Variants in ANKRD36 observed in about 807,000 individuals in gnomAD.
ANKRD36 encodes the protein ankyrin repeat domain-containing protein 36A.
ANKRD36 carries 179 observed loss-of-function variants against 278.1 expected under a neutral mutation model. That is an observed-to-expected ratio of 0.64 (90% CI 0.57 to 0.73). The LOEUF (loss-of-function observed/expected upper bound fraction) is 0.73. Ranked by LOEUF, ANKRD36 falls within the 30% of genes least tolerant of loss-of-function variation. The pLI is 0.00. For synonymous variants in ANKRD36, 320 were observed against 641.1 expected (o/e 0.50, Z 7.57); for missense variants, 1,159 against 1,956.7 (o/e 0.59, Z 7.69).
intron 12 of ANKRD36, 57 bp from the exon 13 acceptor site, chr2:97,151,822 T>C: frequency 2.7e-6 from 2 of 747,488 alleles, no homozygotes; most frequent in Non-Finnish European, 3.9e-6. Flanking sequence ...ATGGTGGGTA[T>C]TATCCTATTT....
Position 97,151,862 on chromosome 2 carries a change from T to A in ANKRD36, c.1102-17T>A, listed in dbSNP as rs2046089901. The A allele has an allele frequency of 1.5e-6, 2 of 1,315,920 alleles. No homozygotes were observed. Among genetic ancestry groups the A allele is most frequent in the African/African-American group, 2.9e-5 (2 of 68,134 alleles). 81.5% of individuals were successfully genotyped at this position (1,315,920 alleles called of 1,614,324 possible). On this transcript the variant is annotated splice_polypyrimidine_tract_variant and intron_variant, in intron 12 of 75. Transcript: ENST00000420699. ...TTGCTCCATGTTATTCTTAAACCTA[T>A]TGTGTTTTTCTTCTAGATTATTTCA...
intron 8 of ANKRD36, among the ~76,000 whole-genome samples, chr2:97,143,672 C>G (rs71429323): frequency 2.6e-5 from 4 of 151,988 alleles, no homozygotes; most frequent in Admixed American, 6.6e-5. Context: ...ATTTTAGAAA[C>G]AAAAATAATG....
Position 97,113,463 on chromosome 2 carries a change from C to A in ANKRD36, c.-277C>A. On this transcript the variant is annotated 5_prime_UTR_variant, in exon 1 of 76. Coordinates refer to ENST00000420699, the MANE Select transcript of ANKRD36 (RefSeq NM_001354587.1). ...CGCGCTCCAGGGAGCCCCGCCCTCC[C>A]GCGGCACCTCCGCAGCAACCGCCGC... 1 of 489,456 alleles carries A rather than the reference C, an allele frequency of 2.0e-6. No individual in the cohort carries two copies. Among genetic ancestry groups the A allele is most frequent in the Non-Finnish European group, 3.6e-6 (1 of 279,764 alleles). The allele number at this position is 489,456 out of a possible 1,614,324, so 30.3% of individuals were successfully genotyped here.
intron 6 of ANKRD36, among the ~76,000 whole-genome samples, chr2:97,134,959 C>T (rs1427707993): frequency 1.3e-5 from 2 of 152,024 alleles, no homozygotes; most frequent in African/African-American, 2.4e-5. Flanking sequence ...TTGTGCCCTA[C>T]ATAGGGTGAA....
chr2:97,230,660 A>G (rs1251181523), intron 67 of ANKRD36, among the ~76,000 whole-genome samples: 2 of 152,122 alleles, frequency 1.3e-5, no homozygotes, highest in Admixed American at 1.3e-4. Flanking sequence ...TTCTCTGTCC[A>G]GCTTTGTTCT....
intron 54 of ANKRD36, among the ~76,000 whole-genome samples, chr2:97,208,993 T>C (rs1230141518): frequency 1.4e-5 from 2 of 146,762 alleles, no homozygotes; most frequent in Non-Finnish European, 3.0e-5. Flanking sequence ...ATGATATTTT[T>C]ATTGAGGCTA....
rs763642003 is a variant in ANKRD36, at chr2:97,192,952, T to C, written c.2377-29T>C. 15 of 1,587,446 alleles carry C rather than the reference T, an allele frequency of 9.4e-6. No individual in the cohort carries two copies. The East Asian group carries it at 3.3e-4, about 34-fold the overall frequency. ...TGGTCTATGAAACATACTTTATTAA[T>C]TTATTATTTCATTTGAAATTCCATT... is the stretch of plus-strand genomic sequence containing the variant. On this transcript the variant is annotated intron_variant, in intron 37 of 75. Coordinates refer to ENST00000420699, the MANE Select transcript of ANKRD36 (RefSeq NM_001354587.1).
intron 62 of ANKRD36, chr2:97,215,847 A>G (rs2065790682): frequency 5.0e-6 from 3 of 594,586 alleles, no homozygotes; most frequent in African/African-American, 3.8e-5. Context: ...TATAGGCGTC[A>G]GATCATATTG....
chr2:97,260,401 C>T (rs1375984441), intron 75 of ANKRD36, among the ~76,000 whole-genome samples: 1 of 134,278 alleles, frequency 7.4e-6, no homozygotes, highest in African/African-American at 2.8e-5. Flanking sequence ...TACATACACA[C>T]ACATACACAT....
At position 97,233,863 on chromosome 2, in the gene ANKRD36, AGT is replaced by A; in HGVS notation, c.4088_4089del (p.Cys1363Ter). The A allele has an allele frequency of 7.2e-7, 1 of 1,379,696 alleles. No individual in the cohort carries two copies. The highest frequency in any genetic ancestry group is 1.5e-5 in the South Asian group (1 of 66,968). 85.5% of individuals were successfully genotyped at this position (1,379,696 alleles called of 1,614,324 possible). ...TTACTCATTGATCAACATGAAATGA[AGT>A]GTAAAGGTAGGACCAATGCATAAAT... is the stretch of plus-strand genomic sequence containing the variant. On this transcript the variant is annotated frameshift_variant, in exon 68 of 76. Transcript: ENST00000420699. LOFTEE classifies it high-confidence loss of function.
chr2:97,191,255 G>T, intron 36 of ANKRD36, 74 bp downstream of exon 36: 1 of 1,436,554 alleles, frequency 7.0e-7, no homozygotes, highest in South Asian at 1.3e-5. Flanking sequence ...GAATGAATTG[G>T]CCTGGGGCTC....
Position 97,191,017 on chromosome 2 carries a change from T to C in ANKRD36, c.2274+11T>C. On this transcript the variant is annotated intron_variant, in intron 35 of 75. Coordinates refer to ENST00000420699, the MANE Select transcript of ANKRD36 (RefSeq NM_001354587.1). ...CAACCAGCCTTGAAGGTAATTAAAC[T>C]CTCATTTATATTGTGAACTAGTAAA... The C allele has an allele frequency of 6.2e-7, 1 of 1,605,188 alleles. No individual in the cohort carries two copies. Among genetic ancestry groups the C allele is most frequent in the Non-Finnish European group, 8.5e-7 (1 of 1,175,908 alleles).
chr2:97,254,843 C>T (rs1450702314), intron 75 of ANKRD36, among the ~76,000 whole-genome samples: 1 of 134,924 alleles, frequency 7.4e-6, no homozygotes, highest in Non-Finnish European at 1.5e-5. Flanking sequence ...AATTGTTTTA[C>T]AATATGTAAT....
At chr2:97,208,260 G>A (rs1251994546) in intron 54 of ANKRD36, among the ~76,000 whole-genome samples, 2 of 146,708 alleles carry the variant, frequency 1.4e-5, no homozygotes, top group East Asian at 3.9e-4. Context: ...GGCATAAGGG[G>A]CTCTGGGGAA....
chr2:97,122,676 A>G (rs367858767), intron 3 of ANKRD36, among the ~76,000 whole-genome samples: 267 of 150,626 alleles, frequency 1.8e-3, no homozygotes, highest in African/African-American at 5.8e-3. Context: ...TTTGGAGATG[A>G]CCAGAGTTCT....
Position 97,206,006 on chromosome 2 carries a change from A to C in ANKRD36, c.3090+38A>C, listed in dbSNP as rs762527643. ...CCATTTATATTGTGAACGAGTTAAT[A>C]TATGGTCTATGAAACATACTTTATT... On this transcript the variant is annotated intron_variant, in intron 51 of 75. Transcript: ENST00000420699. 6 of 1,546,238 alleles carry C rather than the reference A, an allele frequency of 3.9e-6. No homozygotes were observed. The African/African-American group carries it at 8.2e-5, about 21-fold the overall frequency.
rs369433538 is a variant in ANKRD36, at chr2:97,197,634, T to A, written c.2654-829T>A. 7.2e-5 allele frequency among the ~76,000 whole-genome samples: 11 copies of A among 152,074 alleles called. No individual in the cohort carries two copies. The South Asian group carries it at 2.3e-3, about 32-fold the overall frequency. The stretch of plus-strand genomic sequence containing the variant: ...AAGCCTATTTTAGAAAGAAAAATTA[T>A]GCTGCATTGTAATTAACTCCTAAAC... On this transcript the variant is annotated intron_variant, in intron 42 of 75. Coordinates refer to ENST00000420699, the MANE Select transcript of ANKRD36 (RefSeq NM_001354587.1).
intron 11 of ANKRD36, among the ~76,000 whole-genome samples, chr2:97,147,544 A>T (rs895649037): frequency 3.3e-5 from 5 of 151,856 alleles, no homozygotes; most frequent in Non-Finnish European, 7.4e-5. Context: ...ACTCAAAGAG[A>T]GAAAATTATT....
chr2:97,242,325 A>C (rs1321206044), intron 69 of ANKRD36, among the ~76,000 whole-genome samples: 5 of 151,934 alleles, frequency 3.3e-5, no homozygotes, highest in Non-Finnish European at 7.3e-5. Context: ...TTTTATTCTT[A>C]ATATGCAGGG....
Sources: allele counts gnomAD v4.1 joint callset (sites outside exome capture counted in the v4.1 genomes callset), GRCh38; gene constraint gnomAD v4.1.1; transcripts MANE v1.5; gene names NCBI Gene and HGNC (gene_info 2026-07-23, HGNC 2026-07-21).